RASGRP3: variants seen among roughly 807,000 people sequenced by gnomAD.
The protein encoded by RASGRP3 is RAS guanyl releasing protein 3.
A neutral mutation model predicts 82.7 loss-of-function variants in RASGRP3; 54 were observed. That is an observed-to-expected ratio of 0.65 (90% CI 0.52 to 0.82). The LOEUF (loss-of-function observed/expected upper bound fraction) is 0.82, where lower values mean the gene tolerates loss of function less well. Ranked by LOEUF, RASGRP3 falls within the 40% of genes least tolerant of loss-of-function variation. RASGRP3 has a pLI of 0.00. For missense variants in RASGRP3, 861 were observed against 828.9 expected (o/e 1.04, Z -0.48); for synonymous variants, 309 against 300.5 (o/e 1.03, Z -0.29).
intron 1 of RASGRP3, among the ~76,000 whole-genome samples, chr2:33,446,441 G>C (rs1209034316): frequency 6.6e-6 from 1 of 151,738 alleles, no homozygotes; most frequent in African/African-American, 2.4e-5. Context: ...ACAGGCGTGA[G>C]CCACCCACAC....
chr2:33,521,562 T>C (rs1672037273), intron 6 of RASGRP3, among the ~76,000 whole-genome samples: 2 of 152,224 alleles, frequency 1.3e-5, no homozygotes, highest in East Asian at 3.8e-4. Context: ...TAACAAGCTT[T>C]TCAGATAGTT....
chr2:33,487,287 T>A (rs938186362), intron 1 of RASGRP3, among the ~76,000 whole-genome samples: 5 of 152,160 alleles, frequency 3.3e-5, no homozygotes, highest in African/African-American at 1.2e-4. Context: ...GAAAAAAATT[T>A]CTGAAGGCAA....
intron 1 of RASGRP3, among the ~76,000 whole-genome samples, chr2:33,505,238 G>A (rs1453984924): frequency 6.6e-6 from 1 of 151,698 alleles, no homozygotes; most frequent in Non-Finnish European, 1.5e-5. Context: ...GTAAGGGAAT[G>A]TGACTTTATT....
At position 33,549,590 on chromosome 2, in the gene RASGRP3, G is replaced by A. The variant is rs763641142; in HGVS notation, c.1395-14G>A. 5 of 1,605,086 alleles carry A rather than the reference G, an allele frequency of 3.1e-6. No homozygotes were observed. In the South Asian group the frequency reaches 4.5e-5, roughly 14 times the overall value. On this transcript the variant is annotated splice_polypyrimidine_tract_variant and intron_variant, in intron 13 of 17. Transcript: ENST00000403687. Reference sequence around the variant, plus strand: ...TATTTAAAGATTCCCTCCCTTCTTTGATTCTCTTAACAGGGATGGCCTAAT... The same window carrying A: ...TATTTAAAGATTCCCTCCCTTCTTTAATTCTCTTAACAGGGATGGCCTAAT...
rs535020918 is a variant in RASGRP3 at position 33,498,498 on chromosome 2, G to GGC, written c.-260-13212_-260-13211insGC. Among the ~76,000 whole-genome samples, 755 of 152,258 alleles carry GGC rather than the reference G, an allele frequency of 5.0e-3. 4 individuals carry two copies. The highest frequency in any genetic ancestry group is 0.011 in the Admixed American group (162 of 15,298). ...GACTGTGTTGGGTTATGTCACATGG[G>GGC]CTTTCACAGAAGCTTTCATTATGAT... is the stretch of plus-strand genomic sequence containing the variant. On this transcript the variant is annotated intron_variant, in intron 1 of 17. Transcript: ENST00000403687.
chr2:33,547,342 CTTTTTTTTTTTTTTTTTT>C (rs59601670), intron 13 of RASGRP3, among the ~76,000 whole-genome samples: 2 of 68,178 alleles, frequency 2.9e-5, no homozygotes, highest in Non-Finnish European at 5.1e-5. Context: ...ATATAGAATC[CTTTTTTTTTTTTTTTTTT>C]TTTTTTTTTT....
chr2:33,449,350 A>G (rs993946567), intron 2 of RASGRP3, among the ~76,000 whole-genome samples: 4 of 152,236 alleles, frequency 2.6e-5, no homozygotes, highest in East Asian at 3.8e-4. Context: ...TTTTTCAGAC[A>G]TCTACTTTTA....
At position 33,541,773 on chromosome 2, in the gene RASGRP3, GC is replaced by G. The variant is rs528296245; in HGVS notation, c.1279-1738del. On this transcript the variant is annotated intron_variant, in intron 12 of 17. Coordinates refer to ENST00000403687, the MANE Select transcript of RASGRP3 (RefSeq NM_001139488.2). Reference sequence around the variant, plus strand: ...ATTTATCTTAAAATTTGTTAATTGAGCTTTTTTGGTTCAATTTTTTTGCATT... The same window carrying G: ...ATTTATCTTAAAATTTGTTAATTGAGTTTTTTGGTTCAATTTTTTTGCATT... Among the ~76,000 whole-genome samples, 447 of 146,900 alleles carry G rather than the reference GC, an allele frequency of 3.0e-3. 17 individuals carry two copies. Among genetic ancestry groups the G allele is most frequent in the African/African-American group, 0.01 (427 of 41,094 alleles).
intron 2 of RASGRP3, among the ~76,000 whole-genome samples, chr2:33,514,505 CAAAAAAAAAAAAAA>C (rs3083005): frequency 1.6e-5 from 1 of 60,672 alleles, no homozygotes; most frequent in Non-Finnish European, 2.7e-5. Flanking sequence ...CCCATCTCTA[CAAAAAAAAAAAAAA>C]AAAAAAAACC....
At chr2:33,449,136 T>C (rs1454585417) in intron 2 of RASGRP3, among the ~76,000 whole-genome samples, 7 of 152,350 alleles carry the variant, frequency 4.6e-5, no homozygotes, top group Middle Eastern at 3.4e-3. Flanking sequence ...GCAAGTGTGA[T>C]TGAGACCTTA....
At chr2:33,464,106 TAATA>T (rs2150903966) in intron 2 of RASGRP3, among the ~76,000 whole-genome samples, 1 of 143,968 alleles carries the variant, frequency 6.9e-6, no homozygotes, top group African/African-American at 2.6e-5. Flanking sequence ...TTAATAATAA[TAATA>T]ATTATTATTA....
intron 2 of RASGRP3, among the ~76,000 whole-genome samples, chr2:33,460,763 C>A (rs144934356): frequency 2.0e-5 from 3 of 152,078 alleles, no homozygotes; most frequent in Non-Finnish European, 4.4e-5. Context: ...AATCAGCCTG[C>A]CTCAGCCTCC....
At chr2:33,520,289 C>T (rs1671898749) in intron 5 of RASGRP3, among the ~76,000 whole-genome samples, 2 of 152,138 alleles carry the variant, frequency 1.3e-5, no homozygotes, top group South Asian at 4.2e-4. Flanking sequence ...ACACCCATTC[C>T]CATCTACTCA....
At chr2:33,488,851 G>A (rs914379505) in intron 1 of RASGRP3, among the ~76,000 whole-genome samples, 6 of 152,152 alleles carry the variant, frequency 3.9e-5, no homozygotes, top group African/African-American at 7.2e-5. Context: ...TGAAGATATC[G>A]AGTATTCATT....
chr2:33,521,775 G>C (rs11676264), intron 6 of RASGRP3, among the ~76,000 whole-genome samples, 180 bp from the exon 7 acceptor site: 52,737 of 152,154 alleles, frequency 0.35, 9,930 homozygotes, highest in Middle Eastern at 0.52. Context: ...AAAAACAACT[G>C]CAAGTTTATG....
chr2:33,464,384 C>T (rs142895172), intron 2 of RASGRP3, among the ~76,000 whole-genome samples: 3,762 of 150,258 alleles, frequency 0.025, 49 homozygotes, highest in Middle Eastern at 0.059. Flanking sequence ...CCTCCCAAAG[C>T]GCTGGGATTA....
chr2:33,454,710 G>A (rs1345451442), intron 2 of RASGRP3, among the ~76,000 whole-genome samples: 1 of 152,162 alleles, frequency 6.6e-6, no homozygotes, highest in Non-Finnish European at 1.5e-5. Context: ...TAGGCTGGGG[G>A]ACCCTGGTCT....
rs546991007 is a variant in RASGRP3 at position 33,547,654 on chromosome 2, G to A, written c.1395-1950G>A. The stretch of plus-strand genomic sequence containing the variant: ...CAGGACAACAGTCAGGGCTGGAGAT[G>A]GAGATTAAGTCTTCAGCCCCACTGT... On this transcript the variant is annotated intron_variant, in intron 13 of 17. Transcript: ENST00000403687. 2.0e-5 allele frequency among the ~76,000 whole-genome samples: 3 copies of A among 152,194 alleles called. No individual in the cohort carries two copies. In the South Asian group the frequency reaches 6.2e-4, roughly 32 times the overall value.
intron 6 of RASGRP3, among the ~76,000 whole-genome samples, chr2:33,521,710 A>G (rs1427123797): frequency 6.6e-6 from 1 of 152,222 alleles, no homozygotes; most frequent in Middle Eastern, 3.2e-3. Flanking sequence ...TGCCGGTCAC[A>G]AAGACACTAA....
Sources: gnomAD v4.1 joint callset for allele counts (sites outside exome capture counted in the v4.1 genomes callset) on GRCh38, gnomAD v4.1.1 for gene constraint, MANE v1.5 for transcripts, NCBI Gene and HGNC (gene_info 2026-07-23, HGNC 2026-07-21) for gene names.